BPNT1: variants seen among roughly 807,000 people sequenced by gnomAD.
BPNT1 encodes the protein 3'(2'),5'-bisphosphate nucleotidase 1.
A neutral mutation model predicts 36.9 loss-of-function variants in BPNT1; 28 were observed. That is an observed-to-expected ratio of 0.76 (90% CI 0.56 to 1.04). BPNT1 has a LOEUF of 1.04. Among genes scored for constraint, BPNT1 ranks in the 50% least tolerant of loss-of-function variants. The pLI, the probability that BPNT1 is intolerant of heterozygous loss-of-function variation, is 0.00. For synonymous variants in BPNT1, 119 were observed against 130.9 expected, an observed-to-expected ratio of 0.91 and a Z score of 0.62; for missense variants, 313 against 372.9, an observed-to-expected ratio of 0.84 and a Z score of 1.32.
intron 4 of BPNT1, among the ~76,000 whole-genome samples, chr1:220,070,387 C>T (rs1389789119): frequency 6.6e-6 from 1 of 152,028 alleles, no homozygotes; most frequent in Non-Finnish European, 1.5e-5. Flanking sequence ...ACTCTGTCAC[C>T]CAGGCTGGAG....
intron 7 of BPNT1, 115 bp downstream of exon 7, chr1:220,062,642 C>A (rs1437524525): frequency 9.3e-7 from 1 of 1,077,942 alleles, no homozygotes; most frequent in East Asian, 2.4e-5. Flanking sequence ...GATTTATAGT[C>A]CTTTGGGTAT....
chr1:220,086,048 A>G (rs1278015278), intron 1 of BPNT1, among the ~76,000 whole-genome samples: 2 of 152,206 alleles, frequency 1.3e-5, no homozygotes, highest in African/African-American at 2.4e-5. Context: ...AGCATAATGG[A>G]GCAAATTCTG....
At chr1:220,062,732 A>G in intron 7 of BPNT1, 25 bp downstream of exon 7, 1 of 1,611,012 alleles carries the variant, frequency 6.2e-7, no homozygotes, top group Non-Finnish European at 8.5e-7. Flanking sequence ...TGCACTTCAG[A>G]GCAGATGACA....
chr1:220,062,757 CTTAT>C lies in BPNT1; in HGVS notation c.668_671del (p.Asn223ArgfsTer5), dbSNP rs1401829491. Reference sequence around the variant, plus strand: ...AGCAGATGACAGACATTTTTCATACCTTATTTCCTGCTCCTCCTACTCGCAGCAC... The same window carrying C: ...AGCAGATGACAGACATTTTTCATACCTTCCTGCTCCTCCTACTCGCAGCAC... On this transcript the variant is annotated frameshift_variant and splice_region_variant, in exon 7 of 9. Coordinates refer to ENST00000322067, the MANE Select transcript of BPNT1 (RefSeq NM_006085.6). LOFTEE classifies it high-confidence loss of function. 1.7e-5 allele frequency: 28 copies of C among 1,613,950 alleles called. No individual in the cohort carries two copies. Among genetic ancestry groups the C allele is most frequent in the Non-Finnish European group, 2.3e-5 (27 of 1,179,960 alleles).
intron 4 of BPNT1, among the ~76,000 whole-genome samples, chr1:220,071,441 A>G (rs1664049392): frequency 6.6e-6 from 1 of 152,148 alleles, no homozygotes; most frequent in Admixed American, 6.6e-5. Flanking sequence ...TCTACTAAAT[A>G]ACAAATTAGA....
chr1:220,074,287 A>G (rs1558091522), intron 2 of BPNT1, among the ~76,000 whole-genome samples: 1 of 152,092 alleles, frequency 6.6e-6, no homozygotes, highest in African/African-American at 2.4e-5. Context: ...AATCCAGAAC[A>G]TTTTCTTCCC....
chr1:220,082,085 T>TATATATATATATATATATAGAG, intron 1 of BPNT1, among the ~76,000 whole-genome samples: 2 of 103,280 alleles, frequency 1.9e-5, no homozygotes, highest in African/African-American at 7.6e-5. Flanking sequence ...TATATATATA[T>TATATATATATATATATATAGAG]AGAGAGAGAG....
rs1052558134 is a variant in BPNT1, at chr1:220,058,746, C to A, written c.*98G>T. 2.6e-5 allele frequency: 32 copies of A among 1,250,642 alleles called. No individual in the cohort carries two copies. The highest frequency in any genetic ancestry group is 3.7e-5 in the Admixed American group (2 of 53,502). The allele number at this position is 1,250,642 out of a possible 1,614,324, so 77.5% of individuals were successfully genotyped here. A position where few individuals can be genotyped will look rare whatever the true frequency, so the allele number is the denominator to read the frequency against. ...GTCTCACGATATTGCCCAGGCTGGT[C>A]TCAAACTCCTGAGCTCAAGTGATCC... On this transcript the variant is annotated 3_prime_UTR_variant, in exon 9 of 9. Transcript: ENST00000322067.
At chr1:220,069,277 C>G in intron 5 of BPNT1, 107 bp downstream of exon 5, 1 of 837,626 alleles carries the variant, frequency 1.2e-6, no homozygotes, top group Non-Finnish European at 1.8e-6. Flanking sequence ...GTAAACATAA[C>G]ACATGATAGT....
chr1:220,068,461 C>A (rs1441289057), intron 5 of BPNT1, among the ~76,000 whole-genome samples: 2 of 150,364 alleles, frequency 1.3e-5, no homozygotes, highest in African/African-American at 2.4e-5. Flanking sequence ...GGATTACAGG[C>A]ATAAGCCACC....
intron 4 of BPNT1, among the ~76,000 whole-genome samples, chr1:220,072,624 T>C (rs1404910957): frequency 2.0e-5 from 3 of 152,098 alleles, no homozygotes; most frequent in Non-Finnish European, 4.4e-5. Flanking sequence ...CCTAAAAGTA[T>C]TTTAAATAAC....
intron 6 of BPNT1, among the ~76,000 whole-genome samples, chr1:220,064,451 G>T (rs897006512): frequency 6.6e-6 from 1 of 152,204 alleles, no homozygotes; most frequent in Non-Finnish European, 1.5e-5. Context: ...GCAGAGGGAA[G>T]AAATAAGCTG....
At chr1:220,085,641 C>T (rs1655645947) in intron 1 of BPNT1, among the ~76,000 whole-genome samples, 1 of 152,118 alleles carries the variant, frequency 6.6e-6, no homozygotes, top group Non-Finnish European at 1.5e-5. Flanking sequence ...GTGTTAAGGG[C>T]AAAAAGTTCC....
intron 2 of BPNT1, among the ~76,000 whole-genome samples, chr1:220,078,303 T>G (rs1664741180): frequency 6.9e-6 from 1 of 144,310 alleles, no homozygotes; most frequent in Non-Finnish European, 1.5e-5. Context: ...AAGGAAGATT[T>G]ATATATATAT....
chr1:220,081,608 CA>C (rs1235892061), intron 1 of BPNT1, among the ~76,000 whole-genome samples: 1 of 152,090 alleles, frequency 6.6e-6, no homozygotes, highest in Non-Finnish European at 1.5e-5. Context: ...ATGTACCACC[CA>C]CATTCCCTTC....
At chr1:220,059,448 A>G (rs1250328436) in intron 8 of BPNT1, among the ~76,000 whole-genome samples, 1 of 151,456 alleles carries the variant, frequency 6.6e-6, no homozygotes, top group African/African-American at 2.4e-5. Flanking sequence ...GGGCTAAATT[A>G]AATTAACTGT....
intron 2 of BPNT1, among the ~76,000 whole-genome samples, chr1:220,078,543 T>TTACATTTATA (rs1664806517): frequency 7.2e-6 from 1 of 139,368 alleles, no homozygotes; most frequent in Admixed American, 7.6e-5. Flanking sequence ...ATTATATATA[T>TTACATTTATA]TATAATTATA....
chr1:220,084,539 C>T (rs1655535782), intron 1 of BPNT1, among the ~76,000 whole-genome samples: 1 of 152,114 alleles, frequency 6.6e-6, no homozygotes. Flanking sequence ...CTTCAATTCC[C>T]ATGTTATATA....
At chr1:220,060,503 A>T (rs954118357) in intron 7 of BPNT1, among the ~76,000 whole-genome samples, 1 of 152,112 alleles carries the variant, frequency 6.6e-6, no homozygotes, top group African/African-American at 2.4e-5. Flanking sequence ...CCCCTCAAAA[A>T]AAAACCCTGA....
Sources: allele counts gnomAD v4.1 joint callset (sites outside exome capture counted in the v4.1 genomes callset), GRCh38; gene constraint gnomAD v4.1.1; transcripts MANE v1.5; gene names NCBI Gene and HGNC (gene_info 2026-07-23, HGNC 2026-07-21).